AGPAT2: variants seen among roughly 807,000 people sequenced by gnomAD.
AGPAT2 encodes 1-acylglycerol-3-phosphate O-acyltransferase 2.
Under a neutral mutation model 26.1 loss-of-function variants are expected in AGPAT2, and 18 were observed. The observed-to-expected ratio is 0.69, with a 90% CI of 0.48 to 1.02. The LOEUF (loss-of-function observed/expected upper bound fraction) is 1.02. AGPAT2 is among the 50% of genes least tolerant of loss of function. The pLI is 0.00. For synonymous variants in AGPAT2, 200 were observed against 174.2 expected (o/e 1.15, Z -1.16); for missense variants, 415 against 394.9 (o/e 1.05, Z -0.43).
chr9:136,674,554 A>G (rs1846063962), intron 5 of AGPAT2, among the ~76,000 whole-genome samples, 181 bp downstream of exon 5: 1 of 152,246 alleles, frequency 6.6e-6, no homozygotes, highest in Admixed American at 6.5e-5. Context: ...CCCATCTCAC[A>G]GGGCCATGAG....
rs1030140126 is a variant in AGPAT2, at chr9:136,673,369, C to A, written c.*383G>T. 1 of 168,316 alleles carries A rather than the reference C, an allele frequency of 5.9e-6. No individual in the cohort carries two copies. Among genetic ancestry groups the A allele is most frequent in the Non-Finnish European group, 1.3e-5 (1 of 79,154 alleles). The allele number at this position is 168,316 out of a possible 1,614,324, so 10.4% of individuals were successfully genotyped here. On this transcript the variant is annotated 3_prime_UTR_variant, in exon 6 of 6. Transcript: ENST00000371696. ...CAGCTGCACCCTGGTGGGTCCCAGGCGGCTGAGCAGAGGGCTCGGACAGTG... is the reference window on the plus strand; with the variant it reads ...CAGCTGCACCCTGGTGGGTCCCAGGAGGCTGAGCAGAGGGCTCGGACAGTG...
Position 136,677,486 on chromosome 9 carries a change from TGCGCGGGTC to T in AGPAT2, c.244_252del (p.Asp82_Arg84del), listed in dbSNP as rs1219437267. The T allele has an allele frequency of 2.5e-6, 4 of 1,612,928 alleles. No individual in the cohort carries two copies. The highest frequency in any genetic ancestry group is 3.4e-6 in the Non-Finnish European group (4 of 1,179,960). Reference sequence around the variant, plus strand: ...ACACAGGGACGGGCCTCCTGCAGCCTGCGCGGGTCCCGCACCTCGAAGCGGAGCCCGTAA... The same window carrying T: ...ACACAGGGACGGGCCTCCTGCAGCCTCCGCACCTCGAAGCGGAGCCCGTAA... On this transcript the variant is annotated inframe_deletion, in exon 2 of 6. Transcript: ENST00000371696.
At chr9:136,685,746 G>A (rs907485468) in intron 1 of AGPAT2, among the ~76,000 whole-genome samples, 1 of 152,026 alleles carries the variant, frequency 6.6e-6, no homozygotes, top group Non-Finnish European at 1.5e-5. Flanking sequence ...CCGCACCCTC[G>A]CCCCTACTCT....
chr9:136,673,881 G>T lies in AGPAT2; in HGVS notation c.708C>A (p.Leu236=). 1.9e-6 allele frequency: 3 copies of T among 1,602,330 alleles called. No homozygotes were observed. The highest frequency in any genetic ancestry group is 1.7e-6 in the Non-Finnish European group (2 of 1,175,752). The part of the protein sequence containing the change: ...QVLEAIPTSG[L]TAADVPALVD... ...CGAGCGCAGGGACGTCCGCCGCAGT[G>T]AGGCCGCTGGTGGGGATGGCTTCCA... The change falls in exon 6 of 6, where the codon CTC becomes CTA. Residue 236 remains leucine, a synonymous_variant. Transcript: ENST00000371696.
intron 1 of AGPAT2, among the ~76,000 whole-genome samples, chr9:136,683,835 G>A (rs182990606): frequency 3.9e-4 from 60 of 152,324 alleles, no homozygotes; most frequent in African/African-American, 1.4e-3. Flanking sequence ...TGGTGACACA[G>A]GGCCCCCGAT....
intron 4 of AGPAT2, among the ~76,000 whole-genome samples, chr9:136,676,040 G>C (rs10217800): frequency 0.013 from 1,905 of 152,250 alleles, 44 homozygotes; most frequent in African/African-American, 0.041. Context: ...GGTGCTGGGG[G>C]AATGGCTATA....
At chr9:136,685,556 G>T (rs990638023) in intron 1 of AGPAT2, among the ~76,000 whole-genome samples, 1 of 152,210 alleles carries the variant, frequency 6.6e-6, no homozygotes, top group Non-Finnish European at 1.5e-5. Context: ...CTGCTCCAGG[G>T]TCTCCTAAGT....
chr9:136,673,314 GAT>G lies in AGPAT2; in HGVS notation c.*436_*437del, dbSNP rs1173549496. On this transcript the variant is annotated 3_prime_UTR_variant, in exon 6 of 6. Transcript: ENST00000371696. ...AGGCCCCTCCTCTCCCAGAGAGCCT[GAT>G]GCAGCTTGTGGGCTGGACCCTGGAG... 6.4e-6 allele frequency: 1 copy of G among 157,194 alleles called. No homozygotes were observed. The highest frequency in any genetic ancestry group is 1.4e-5 in the Non-Finnish European group (1 of 71,592). The allele number at this position is 157,194 out of a possible 1,614,324, so 9.7% of individuals were successfully genotyped here.
rs1846038678 is a variant in AGPAT2 at position 136,673,536 on chromosome 9, G to GAGCCCA, written c.*215_*216insTGGGCT. The GAGCCCA allele has an allele frequency of 8.9e-6, 4 of 448,238 alleles. No homozygotes were observed. The highest frequency in any genetic ancestry group is 1.5e-5 in the Non-Finnish European group (4 of 264,210). The allele number at this position is 448,238 out of a possible 1,614,324, so 27.8% of individuals were successfully genotyped here. A position where few individuals can be genotyped will look rare whatever the true frequency, so the allele number is the denominator to read the frequency against. On this transcript the variant is annotated 3_prime_UTR_variant, in exon 6 of 6. Coordinates refer to ENST00000371696, the MANE Select transcript of AGPAT2 (RefSeq NM_006412.4). ...GCCGTGGGCGCGAGTCCCTGCCCTC[G>GAGCCCA]AGCCCGGGGAGGGTCCAGCTGAGCC... is the stretch of plus-strand genomic sequence containing the variant.
chr9:136,677,361 C>A (rs1846105657), intron 2 of AGPAT2, 62 bp downstream of exon 2: 1 of 1,611,488 alleles, frequency 6.2e-7, no homozygotes, highest in African/African-American at 1.3e-5. Context: ...CCCAGCCCCA[C>A]ACAGCCCCAG....
chr9:136,687,437 T>G lies in AGPAT2; in HGVS notation c.-80A>C. On this transcript the variant is annotated 5_prime_UTR_variant, in exon 1 of 6. Coordinates refer to ENST00000371696, the MANE Select transcript of AGPAT2 (RefSeq NM_006412.4). ...TTCTCCCCCGCGCGCTCAGGCCCCT[T>G]ATTGCGAGGGCGGCGGGGCTGGGCG... The G allele has an allele frequency of 1.7e-6, 2 of 1,202,650 alleles. No homozygotes were observed. Among genetic ancestry groups the G allele is most frequent in the Non-Finnish European group, 2.1e-6 (2 of 934,648 alleles). The allele number at this position is 1,202,650 out of a possible 1,614,324, so 74.5% of individuals were successfully genotyped here. A position where few individuals can be genotyped will look rare whatever the true frequency, so the allele number is the denominator to read the frequency against.
rs574814602 is a variant in AGPAT2 at position 136,677,181 on chromosome 9, G to C, written c.317-45C>G. The C allele has an allele frequency of 3.1e-5, 50 of 1,604,488 alleles. No homozygotes were observed. In the Admixed American group the frequency reaches 8.2e-4, roughly 26 times the overall value. ...AGACAGAGAGAGAGGGGGAGACAGC[G>C]TGCGCTGGAAGACAGCTGCTGAGCA... On this transcript the variant is annotated intron_variant, in intron 2 of 5. Transcript: ENST00000371696.
Position 136,676,982 on chromosome 9 carries a change from G to C in AGPAT2, c.471C>G (p.Gly157=). The C allele has an allele frequency of 6.7e-7, 1 of 1,498,742 alleles. No homozygotes were observed. The highest frequency in any genetic ancestry group is 9.0e-7 in the Non-Finnish European group (1 of 1,108,636). The allele number at this position is 1,498,742 out of a possible 1,614,324, so 92.8% of individuals were successfully genotyped here. The change falls in exon 3 of 6, where the codon GGC becomes GGG. Residue 157 remains glycine (G), a synonymous_variant. Coordinates refer to ENST00000371696, the MANE Select transcript of AGPAT2 (RefSeq NM_006412.4). ...TCACGTTCTCCCTGACCATGCGCTC[G>C]CCCAGGTCGGCCATCACTGTCATGG... ...STAMTVMADL[G]ERMVRENLKV...
intron 4 of AGPAT2, among the ~76,000 whole-genome samples, chr9:136,676,106 AG>A (rs1260171069): frequency 4.6e-5 from 7 of 152,206 alleles, no homozygotes; most frequent in South Asian, 2.1e-4. Context: ...GCTGGGGACC[AG>A]GAAGTCCAGA....
At chr9:136,684,528 G>A (rs1024235533) in intron 1 of AGPAT2, among the ~76,000 whole-genome samples, 1 of 152,062 alleles carries the variant, frequency 6.6e-6, no homozygotes, top group African/African-American at 2.4e-5. Flanking sequence ...AGACGGTGGG[G>A]GTCTCTTGGG....
chr9:136,676,181 A>G (rs932148930), intron 4 of AGPAT2, among the ~76,000 whole-genome samples: 1 of 151,922 alleles, frequency 6.6e-6, no homozygotes, highest in South Asian at 2.1e-4. Context: ...CTGATACTAC[A>G]CCAAAAGCCT....
chr9:136,681,475 C>G (rs961209462), intron 1 of AGPAT2, among the ~76,000 whole-genome samples: 4 of 152,376 alleles, frequency 2.6e-5, no homozygotes, highest in Admixed American at 2.6e-4. Context: ...TCAGAGCTTT[C>G]TGAAAGCTGG....
chr9:136,674,596 G>C (rs1846064541), intron 5 of AGPAT2, 139 bp downstream of exon 5: 2 of 538,024 alleles, frequency 3.7e-6, no homozygotes. Context: ...ACTCCAGCCT[G>C]AGTCACTCAT....
intron 1 of AGPAT2, among the ~76,000 whole-genome samples, chr9:136,685,503 G>A (rs958188589): frequency 1.3e-5 from 2 of 152,218 alleles, no homozygotes; most frequent in Non-Finnish European, 2.9e-5. Flanking sequence ...GGAGGCCGCC[G>A]ATGAAGAGGC....
Sources: allele counts gnomAD v4.1 joint callset (sites outside exome capture counted in the v4.1 genomes callset), GRCh38; gene constraint gnomAD v4.1.1; transcripts MANE v1.5; gene names NCBI Gene and HGNC (gene_info 2026-07-23, HGNC 2026-07-21).